ESR1: variants seen among roughly 807,000 people sequenced by gnomAD.
The protein encoded by ESR1 is estrogen receptor.
Under a neutral mutation model 52.7 loss-of-function variants are expected in ESR1, and 12 were observed. The observed-to-expected ratio is 0.23, with a 90% CI of 0.15 to 0.37. ESR1 has a LOEUF of 0.37. ESR1 is among the 10% of genes least tolerant of loss of function. ESR1 has a pLI of 1.00. For missense variants in ESR1, 584 were observed against 779.7 expected (o/e 0.75, Z 2.99); for synonymous variants, 305 against 316.8 (o/e 0.96, Z 0.39).
intron 3 of ESR1, among the ~76,000 whole-genome samples, chr6:151,894,470 T>G (rs574113625): frequency 1.3e-5 from 2 of 152,230 alleles, no homozygotes; most frequent in Admixed American, 6.5e-5. Context: ...CCTAAGCCCA[T>G]GTCTAGAAGG....
intron 4 of ESR1, among the ~76,000 whole-genome samples, chr6:151,985,535 ACAAAC>A (rs1584653826): frequency 2.2e-4 from 22 of 99,408 alleles, no homozygotes; most frequent in African/African-American, 7.3e-4. Context: ...AAAAAAAAAC[ACAAAC>A]AAAAAAAAAA....
At chr6:151,998,048 A>T (rs888193407) in intron 4 of ESR1, among the ~76,000 whole-genome samples, 2 of 152,148 alleles carry the variant, frequency 1.3e-5, no homozygotes, top group African/African-American at 4.8e-5. Context: ...TCTCTGTTTT[A>T]AAATTTCACA....
At chr6:151,853,459 G>A (rs967347815) in intron 2 of ESR1, among the ~76,000 whole-genome samples, 1 of 152,162 alleles carries the variant, frequency 6.6e-6, no homozygotes, top group African/African-American at 2.4e-5. Flanking sequence ...GAAGAACTCA[G>A]AAGAGTTAAA....
chr6:152,093,282 A>G (rs1585221028), intron 6 of ESR1, among the ~76,000 whole-genome samples: 1 of 151,890 alleles, frequency 6.6e-6, no homozygotes, highest in South Asian at 2.1e-4. Flanking sequence ...CTCAAAAAAA[A>G]AACAAAAAAA....
intron 4 of ESR1, among the ~76,000 whole-genome samples, chr6:151,983,171 T>C (rs777465035): frequency 2.0e-5 from 3 of 152,126 alleles, no homozygotes; most frequent in Non-Finnish European, 2.9e-5. Flanking sequence ...AGTGCTATAA[T>C]AGACTCATGA....
chr6:151,915,102 G>A (rs1798844211), intron 3 of ESR1, among the ~76,000 whole-genome samples: 1 of 151,918 alleles, frequency 6.6e-6, no homozygotes, highest in African/African-American at 2.4e-5. Context: ...GGCTGAGGCA[G>A]GAAAATTGCT....
intron 6 of ESR1, among the ~76,000 whole-genome samples, chr6:152,088,062 C>G (rs551252029): frequency 6.6e-6 from 1 of 152,026 alleles, no homozygotes; most frequent in South Asian, 2.1e-4. Context: ...TTAAATGAAA[C>G]AAATAGGTAA....
chr6:152,072,491 T>C (rs983522456), intron 6 of ESR1, among the ~76,000 whole-genome samples: 5 of 152,206 alleles, frequency 3.3e-5, no homozygotes, highest in Non-Finnish European at 4.4e-5. Flanking sequence ...CCTTCCCTGG[T>C]CAGTAATGAG....
chr6:152,115,569 G>C (rs2051200844), intron 6 of ESR1, among the ~76,000 whole-genome samples: 2 of 152,096 alleles, frequency 1.3e-5, no homozygotes, highest in Non-Finnish European at 2.9e-5. Flanking sequence ...AATCTACCAA[G>C]GAAAAAGAAC....
chr6:151,985,527 AAAAAAAC>A (rs1584653253), intron 4 of ESR1, among the ~76,000 whole-genome samples: 1 of 139,274 alleles, frequency 7.2e-6, no homozygotes, highest in African/African-American at 2.9e-5. Context: ...AAAAAAAAAA[AAAAAAAC>A]ACAAACAAAA....
intron 4 of ESR1, among the ~76,000 whole-genome samples, chr6:152,010,781 G>T (rs2042697025): frequency 1.3e-5 from 2 of 151,996 alleles, no homozygotes. Context: ...TACCTCTTCA[G>T]GTTGTTGTAT....
intron 2 of ESR1, among the ~76,000 whole-genome samples, chr6:151,852,315 A>G (rs1199965666): frequency 6.6e-6 from 1 of 152,224 alleles, no homozygotes; most frequent in Non-Finnish European, 1.5e-5. Flanking sequence ...GATGAAAAGA[A>G]TGGTCTGAAT....
At chr6:152,018,383 C>A (rs2043330770) in intron 5 of ESR1, among the ~76,000 whole-genome samples, 1 of 149,478 alleles carries the variant, frequency 6.7e-6, no homozygotes, top group African/African-American at 2.5e-5. Context: ...CCATGTAAAA[C>A]TTCAGGTAAA....
intron 1 of ESR1, among the ~76,000 whole-genome samples, chr6:151,821,194 A>T (rs1488647582): frequency 6.6e-6 from 1 of 151,974 alleles, no homozygotes; most frequent in Non-Finnish European, 1.5e-5. Context: ...GTTCCTGTTC[A>T]CCGAGGGCAT....
intron 2 of ESR1, among the ~76,000 whole-genome samples, chr6:151,847,280 G>T (rs929156619): frequency 2.0e-5 from 3 of 152,192 alleles, no homozygotes; most frequent in African/African-American, 7.2e-5. Context: ...TCCTTTAACA[G>T]CTGTGGCCGG....
chr6:151,909,583 TC>T (rs1797955790), intron 3 of ESR1, among the ~76,000 whole-genome samples: 1 of 152,168 alleles, frequency 6.6e-6, no homozygotes, highest in Non-Finnish European at 1.5e-5. Context: ...TGGGACACCT[TC>T]CATCAGGTGA....
chr6:151,927,798 A>AC (rs2032986894), intron 3 of ESR1, among the ~76,000 whole-genome samples: 1 of 151,576 alleles, frequency 6.6e-6, no homozygotes, highest in Non-Finnish European at 1.5e-5. Context: ...GCTCACTGCA[A>AC]CCTCTGCCTC....
chr6:151,984,611 G>T (rs1432415240), intron 4 of ESR1, among the ~76,000 whole-genome samples: 1 of 152,130 alleles, frequency 6.6e-6, no homozygotes, highest in East Asian at 1.9e-4. Flanking sequence ...TGTGTAATCT[G>T]AGCACTGATG....
At chr6:152,111,599 T>G (rs2051136807) in intron 6 of ESR1, among the ~76,000 whole-genome samples, 1 of 152,208 alleles carries the variant, frequency 6.6e-6, no homozygotes, top group Non-Finnish European at 1.5e-5. Context: ...CCGGACTCAA[T>G]GGAGTTTAAG....
Sources: gnomAD v4.1 joint callset for allele counts (sites outside exome capture counted in the v4.1 genomes callset) on GRCh38, gnomAD v4.1.1 for gene constraint, MANE v1.5 for transcripts, NCBI Gene and HGNC (gene_info 2026-07-23, HGNC 2026-07-21) for gene names.